CREB5: variants seen among roughly 807,000 people sequenced by gnomAD.
CREB5 encodes the protein cyclic AMP-responsive element-binding protein 5.
CREB5 carries 19 observed loss-of-function variants against 57.1 expected under a neutral mutation model. The observed-to-expected ratio is 0.33, with a 90% CI of 0.23 to 0.49. The LOEUF (loss-of-function observed/expected upper bound fraction) is 0.49. Ranked by LOEUF, CREB5 falls within the 20% of genes least tolerant of loss-of-function variation. CREB5 has a pLI of 0.99. For synonymous variants in CREB5, 238 were observed against 238.3 expected, an observed-to-expected ratio of 1.00 and a Z score of 0.01; for missense variants, 579 against 671.6, an observed-to-expected ratio of 0.86 and a Z score of 1.52.
At chr7:28,765,053 A>G (rs952935833) in intron 7 of CREB5, among the ~76,000 whole-genome samples, 10 of 152,236 alleles carry the variant, frequency 6.6e-5, no homozygotes, top group African/African-American at 2.2e-4. Flanking sequence ...AATGATGACA[A>G]AGATGAGCTG....
intron 1 of CREB5, among the ~76,000 whole-genome samples, chr7:28,360,848 G>C (rs1315097305): frequency 6.6e-6 from 1 of 152,180 alleles, no homozygotes; most frequent in African/African-American, 2.4e-5. Context: ...ATTCCTAGTG[G>C]TGTGTGATGG....
chr7:28,458,479 GC>G lies in CREB5; in HGVS notation c.4-29694del, dbSNP rs546361093. Among the ~76,000 whole-genome samples the G allele has an allele frequency of 5.7e-3, 871 of 152,236 alleles. 6 individuals carry two copies. The highest frequency in any genetic ancestry group is 0.011 in the Non-Finnish European group (715 of 68,016). Reference sequence around the variant, plus strand: ...AGTTTACAGGGACATTTAAGAAAAGGCCTTTTACTATTATTTAATTTCAAAA... The same window carrying G: ...AGTTTACAGGGACATTTAAGAAAAGGCTTTTACTATTATTTAATTTCAAAA... On this transcript the variant is annotated intron_variant, in intron 1 of 10. Transcript: ENST00000357727.
chr7:28,737,545 A>ATGTATATATATACG (rs1562606468), intron 7 of CREB5, among the ~76,000 whole-genome samples: 1 of 8,582 alleles, frequency 1.2e-4, no homozygotes, highest in Non-Finnish European at 3.2e-4. Context: ...ATACGTATAT[A>ATGTATATATATACG]TATATATATA....
intron 7 of CREB5, among the ~76,000 whole-genome samples, chr7:28,780,251 G>A (rs559978906): frequency 6.6e-6 from 1 of 152,298 alleles, no homozygotes; most frequent in East Asian, 1.9e-4. Flanking sequence ...GCACTAAGGA[G>A]ACGAAAGAAG....
chr7:28,815,288 G>GA (rs1253757662), intron 9 of CREB5, among the ~76,000 whole-genome samples: 1 of 151,808 alleles, frequency 6.6e-6, no homozygotes, highest in African/African-American at 2.4e-5. Flanking sequence ...CAATAAAAAA[G>GA]AAAAAAAGAA....
chr7:28,680,169 T>G (rs1800517224), intron 5 of CREB5, among the ~76,000 whole-genome samples: 1 of 152,112 alleles, frequency 6.6e-6, no homozygotes, highest in Admixed American at 6.5e-5. Flanking sequence ...CCTAGGCACC[T>G]CACTTGCTTC....
In CREB5 at chr7:28,699,182, T is replaced by C. The variant is rs1461670902; in HGVS notation, c.465-19571T>C. Among the ~76,000 whole-genome samples the C allele has an allele frequency of 2.0e-5, 3 of 151,980 alleles. No individual in the cohort carries two copies. The East Asian group carries it at 5.8e-4, about 29-fold the overall frequency. On this transcript the variant is annotated intron_variant, in intron 5 of 10. Coordinates refer to ENST00000357727, the MANE Select transcript of CREB5 (RefSeq NM_182898.4). ...TCCTTTCTTCCTTTCTTCTTCTTTT[T>C]TTTTTTTTCATTTGAAAGAAAGGGC... is the stretch of plus-strand genomic sequence containing the variant.
chr7:28,321,266 T>C (rs1043787715), intron 1 of CREB5, among the ~76,000 whole-genome samples: 3 of 152,174 alleles, frequency 2.0e-5, no homozygotes, highest in African/African-American at 7.2e-5. Context: ...CCTTCTCCTC[T>C]TTCTGTCTCT....
At chr7:28,523,716 T>C (rs1793306592) in intron 4 of CREB5, among the ~76,000 whole-genome samples, 1 of 152,228 alleles carries the variant, frequency 6.6e-6, no homozygotes, top group Non-Finnish European at 1.5e-5. Context: ...ATGCAGTTAT[T>C]TCCTCTTGCA....
At chr7:28,687,299 G>A (rs1800989600) in intron 5 of CREB5, among the ~76,000 whole-genome samples, 1 of 151,674 alleles carries the variant, frequency 6.6e-6, no homozygotes, top group South Asian at 2.1e-4. Context: ...AGTAGTGAGG[G>A]GGCGATGATG....
intron 5 of CREB5, among the ~76,000 whole-genome samples, chr7:28,691,366 G>C (rs1314637398): frequency 7.1e-6 from 1 of 141,510 alleles, no homozygotes; most frequent in East Asian, 2.1e-4. Flanking sequence ...GTTGCATTGA[G>C]TAGAGATTGT....
chr7:28,400,603 C>A, intron 1 of CREB5, among the ~76,000 whole-genome samples: 1 of 152,112 alleles, frequency 6.6e-6, no homozygotes, highest in East Asian at 1.9e-4. Context: ...GGTAGGGAAG[C>A]TTTATATTTT....
intron 4 of CREB5, among the ~76,000 whole-genome samples, chr7:28,510,269 T>C (rs1194520693): frequency 2.0e-5 from 3 of 152,234 alleles, no homozygotes; most frequent in Non-Finnish European, 4.4e-5. Flanking sequence ...GCCTATCTTA[T>C]CATTTTTTAG....
chr7:28,819,318 CG>C lies in CREB5; in HGVS notation c.*40del, dbSNP rs1224458818. 17 of 1,582,802 alleles carry C rather than the reference CG, an allele frequency of 1.1e-5. No homozygotes were observed. Among genetic ancestry groups the C allele is most frequent in the Non-Finnish European group, 1.4e-5 (16 of 1,164,848 alleles). ...ACCTGGCCTCCAAGAAGAGCTGTAG[CG>C]TACCATGCGTCCTTTCTTTTAAGGG... On this transcript the variant is annotated 3_prime_UTR_variant, in exon 11 of 11. Transcript: ENST00000357727.
intron 1 of CREB5, among the ~76,000 whole-genome samples, chr7:28,465,694 C>A (rs1790534220): frequency 6.6e-6 from 1 of 152,156 alleles, no homozygotes; most frequent in African/African-American, 2.4e-5. Flanking sequence ...TCACATAGAT[C>A]ATTCTAAGAA....
chr7:28,383,948 G>T (rs1392171373), intron 1 of CREB5, among the ~76,000 whole-genome samples: 1 of 152,196 alleles, frequency 6.6e-6, no homozygotes, highest in Non-Finnish European at 1.5e-5. Context: ...ATGAAGGGGT[G>T]AAATAACCTC....
intron 3 of CREB5, among the ~76,000 whole-genome samples, chr7:28,506,749 G>A (rs1381809152): frequency 6.6e-6 from 1 of 152,142 alleles, no homozygotes; most frequent in East Asian, 1.9e-4. Context: ...ACTCAATGAC[G>A]ATGGAAGTGC....
At chr7:28,328,484 T>C (rs1785652064) in intron 1 of CREB5, among the ~76,000 whole-genome samples, 1 of 152,190 alleles carries the variant, frequency 6.6e-6, no homozygotes, top group Non-Finnish European at 1.5e-5. Context: ...TGCTGTGTAT[T>C]TTTAAGGTGT....
intron 7 of CREB5, among the ~76,000 whole-genome samples, chr7:28,785,248 G>A (rs145398990): frequency 1.3e-5 from 2 of 152,336 alleles, no homozygotes; most frequent in African/African-American, 4.8e-5. Flanking sequence ...TGGGTCGTAT[G>A]TCCCAGTTTA....
Sources: allele counts gnomAD v4.1 joint callset (sites outside exome capture counted in the v4.1 genomes callset), GRCh38; gene constraint gnomAD v4.1.1; transcripts MANE v1.5; gene names NCBI Gene and HGNC (gene_info 2026-07-23, HGNC 2026-07-21).